Variants in DRC10 observed in about 807,000 individuals in gnomAD.
The protein encoded by DRC10 is dynein regulatory complex subunit 10, also known as IQ domain-containing protein D.
At chr12:113,199,315 G>A in the DRC10 span, among the ~76,000 whole-genome samples, 1 of 152,144 alleles carries the variant, frequency 6.6e-6, no homozygotes, top group Non-Finnish European at 1.5e-5. Flanking sequence ...AGGATCACTT[G>A]AGCCCAGGAG....
At chr12:113,219,771 C>G in the DRC10 span, among the ~76,000 whole-genome samples, 1 of 152,074 alleles carries the variant, frequency 6.6e-6, no homozygotes, top group Non-Finnish European at 1.5e-5. Flanking sequence ...CTCTTGCGAT[C>G]AAGCAATTCT....
chr12:113,200,528 A>G, the DRC10 span: 2 of 546,562 alleles, frequency 3.7e-6, no homozygotes, highest in South Asian at 1.5e-5. Context: ...AGTCCCACCC[A>G]TCCCCCCCAC....
the DRC10 span, chr12:113,207,777 G>A: frequency 6.2e-7 from 1 of 1,614,108 alleles, no homozygotes; most frequent in Non-Finnish European, 8.5e-7. Context: ...TGGAAAGGAG[G>A]CGGTCTCTGA....
At chr12:113,220,916 C>T in the DRC10 span, 2 of 275,410 alleles carry the variant, frequency 7.3e-6, no homozygotes, top group African/African-American at 4.4e-5. Flanking sequence ...CTTCTAATTC[C>T]TCAGGGAGCC....
the DRC10 span, chr12:113,208,364 C>G: frequency 7.2e-7 from 1 of 1,395,580 alleles, no homozygotes. Context: ...ATCTTAGGTC[C>G]TCTGTCGCTT....
chr12:113,218,022 T>C, the DRC10 span, among the ~76,000 whole-genome samples: 131 of 152,372 alleles, frequency 8.6e-4, 1 homozygote, highest in African/African-American at 3.0e-3. Flanking sequence ...ACTGGCATCT[T>C]GTAGGTAGAG....
At chr12:113,198,779 G>A in the DRC10 span, among the ~76,000 whole-genome samples, 9,912 of 152,194 alleles carry the variant, frequency 0.065, 384 homozygotes, top group Middle Eastern at 0.075. Context: ...ATGGTTTTAT[G>A]TTATGTAAGT....
At chr12:113,212,075 T>TA in the DRC10 span, among the ~76,000 whole-genome samples, 1 of 150,798 alleles carries the variant, frequency 6.6e-6, no homozygotes, top group East Asian at 2.0e-4. Context: ...TCCTCTTTTT[T>TA]TTTTTTTTTT....
chr12:113,209,557 T>C, the DRC10 span, among the ~76,000 whole-genome samples: 3 of 152,144 alleles, frequency 2.0e-5, no homozygotes, highest in African/African-American at 7.2e-5. Flanking sequence ...TAGCTAATTT[T>C]TTAACTTTTT....
the DRC10 span, among the ~76,000 whole-genome samples, chr12:113,209,422 C>T: frequency 2.0e-5 from 3 of 152,106 alleles, no homozygotes; most frequent in East Asian, 1.9e-4. Flanking sequence ...ATTTTGTAGG[C>T]GCTCTGTTAC....
chr12:113,209,088 C>T, the DRC10 span, among the ~76,000 whole-genome samples: 32 of 152,156 alleles, frequency 2.1e-4, no homozygotes, highest in Admixed American at 3.9e-4. Flanking sequence ...CACACCACCA[C>T]GCCTGGCTAA....
chr12:113,195,676 G>T, the DRC10 span: 1 of 1,613,404 alleles, frequency 6.2e-7, no homozygotes, highest in Non-Finnish European at 8.5e-7. Context: ...AGCAGGGAGC[G>T]CACCAGATAG....
the DRC10 span, chr12:113,200,920 C>G: frequency 1.3e-6 from 1 of 777,822 alleles, no homozygotes; most frequent in African/African-American, 1.8e-5. Context: ...GGGTGGGTCA[C>G]CTGAGGTCAG....
chr12:113,213,176 T>TA, the DRC10 span, among the ~76,000 whole-genome samples: 2,228 of 63,560 alleles, frequency 0.035, 76 homozygotes, highest in Non-Finnish European at 0.039. Flanking sequence ...CAGAGGGTGC[T>TA]AAAAAAAAAA....
chr12:113,203,739 G>A, the DRC10 span, among the ~76,000 whole-genome samples: 1 of 149,988 alleles, frequency 6.7e-6, no homozygotes, highest in African/African-American at 2.5e-5. Context: ...GCCTCCCAAA[G>A]TGCTGGGATT....
At chr12:113,199,893 T>G in the DRC10 span, among the ~76,000 whole-genome samples, 3 of 152,016 alleles carry the variant, frequency 2.0e-5, no homozygotes, top group Non-Finnish European at 4.4e-5. Flanking sequence ...TAATTTATCT[T>G]TTATTCTTTG....
the DRC10 span, chr12:113,207,789 C>T: frequency 1.2e-6 from 2 of 1,613,994 alleles, no homozygotes; most frequent in Non-Finnish European, 1.7e-6. Flanking sequence ...GGTCTCTGAG[C>T]CACCCTTCCT....
the DRC10 span, among the ~76,000 whole-genome samples, chr12:113,198,460 G>A: frequency 0.1 from 15,652 of 152,180 alleles, 925 homozygotes; most frequent in East Asian, 0.21. Flanking sequence ...ATAAAAAGCA[G>A]TGAAGCACTG....
the DRC10 span, among the ~76,000 whole-genome samples, chr12:113,214,971 G>A: frequency 6.6e-6 from 1 of 152,298 alleles, no homozygotes; most frequent in East Asian, 1.9e-4. Context: ...GGTATTGACA[G>A]TTGGGACCCT....
Sources: gnomAD v4.1 joint callset for allele counts (sites outside exome capture counted in the v4.1 genomes callset) on GRCh38, gnomAD v4.1.1 for gene constraint, MANE v1.5 for transcripts, NCBI Gene and HGNC (gene_info 2026-07-23, HGNC 2026-07-21) for gene names.